IGF1R: variants seen among roughly 807,000 people sequenced by gnomAD.
IGF1R encodes insulin like growth factor 1 receptor.
In IGF1R, 44 loss-of-function variants were observed where a neutral mutation model predicts 144.6. The observed-to-expected ratio is 0.30, with a 90% CI of 0.24 to 0.39. The LOEUF (loss-of-function observed/expected upper bound fraction) is 0.39, where lower values mean the gene tolerates loss of function less well. IGF1R is among the 10% of genes least tolerant of loss of function. The probability of loss-of-function intolerance (pLI) is 1.00; values close to 1 mark genes in which losing one functional copy is unlikely to be tolerated. For synonymous variants in IGF1R, 795 were observed against 722.8 expected, an observed-to-expected ratio of 1.10 and a Z score of -1.60; for missense variants, 1,355 against 1,833.7, an observed-to-expected ratio of 0.74 and a Z score of 4.77.
intron 2 of IGF1R, among the ~76,000 whole-genome samples, chr15:98,777,959 A>G (rs919107518): frequency 6.6e-6 from 1 of 152,218 alleles, no homozygotes; most frequent in East Asian, 1.9e-4. Context: ...AAAGACCCAT[A>G]GATGCTCTTT....
At chr15:98,839,482 C>T (rs1001560184) in intron 2 of IGF1R, among the ~76,000 whole-genome samples, 3 of 152,132 alleles carry the variant, frequency 2.0e-5, no homozygotes, top group African/African-American at 4.8e-5. Flanking sequence ...TTGTGTGCCT[C>T]GGACACGAAA....
At chr15:98,658,596 C>G (rs937118232) in intron 1 of IGF1R, among the ~76,000 whole-genome samples, 1 of 152,172 alleles carries the variant, frequency 6.6e-6, no homozygotes, top group African/African-American at 2.4e-5. Context: ...AAAGGCAGCA[C>G]GCTAAGTCAG....
chr15:98,876,488 G>A (rs2013068112), intron 2 of IGF1R, among the ~76,000 whole-genome samples: 1 of 152,078 alleles, frequency 6.6e-6, no homozygotes, highest in Non-Finnish European at 1.5e-5. Flanking sequence ...TTCTGGCAAG[G>A]CTGGTATACT....
chr15:98,875,857 G>T (rs2013034409), intron 2 of IGF1R, among the ~76,000 whole-genome samples: 3 of 152,132 alleles, frequency 2.0e-5, no homozygotes, highest in African/African-American at 7.2e-5. Context: ...GGCCCAGAGT[G>T]GTCAGATAGT....
At chr15:98,849,440 A>G (rs964565761) in intron 2 of IGF1R, among the ~76,000 whole-genome samples, 1 of 152,244 alleles carries the variant, frequency 6.6e-6, no homozygotes, top group Non-Finnish European at 1.5e-5. Context: ...TAAAAGTGTA[A>G]ACAAAACTAT....
intron 2 of IGF1R, among the ~76,000 whole-genome samples, chr15:98,805,905 C>T (rs1393066947): frequency 1.3e-5 from 2 of 152,160 alleles, no homozygotes; most frequent in African/African-American, 2.4e-5. Context: ...AGTTCTGACA[C>T]TCACCACCTG....
intron 2 of IGF1R, among the ~76,000 whole-genome samples, chr15:98,805,958 A>T (rs2056462189): frequency 6.6e-6 from 1 of 152,144 alleles, no homozygotes; most frequent in Admixed American, 6.5e-5. Context: ...CAGTCCCACG[A>T]GTCTGCCCTT....
At chr15:98,869,743 T>G (rs1313915889) in intron 2 of IGF1R, among the ~76,000 whole-genome samples, 1 of 152,194 alleles carries the variant, frequency 6.6e-6, no homozygotes, top group East Asian at 1.9e-4. Context: ...TTGAGATTCT[T>G]GTAAGCCAAG....
At chr15:98,715,217 T>G (rs1318869350) in intron 2 of IGF1R, among the ~76,000 whole-genome samples, 1 of 152,188 alleles carries the variant, frequency 6.6e-6, no homozygotes, top group Non-Finnish European at 1.5e-5. Context: ...GTGAAGCAGT[T>G]TGTGTGCAGG....
Position 98,957,661 on chromosome 15 carries a change from C to T in IGF1R, c.*219C>T. The T allele has an allele frequency of 4.9e-6, 3 of 612,996 alleles. No homozygotes were observed. The highest frequency in any genetic ancestry group is 8.6e-6 in the Non-Finnish European group (3 of 347,564). The allele number at this position is 612,996 out of a possible 1,614,324, so 38.0% of individuals were successfully genotyped here. On this transcript the variant is annotated 3_prime_UTR_variant, in exon 21 of 21. Coordinates refer to ENST00000650285, the MANE Select transcript of IGF1R (RefSeq NM_000875.5). ...AGCAGCTTTTTATTCCCTGCCCAAA[C>T]CCTTAACTGACATGGGCCTTTAAGA...
At chr15:98,808,870 T>A (rs528698518) in intron 2 of IGF1R, among the ~76,000 whole-genome samples, 2 of 152,018 alleles carry the variant, frequency 1.3e-5, no homozygotes, top group Non-Finnish European at 2.9e-5. Context: ...TTTATTTTTA[T>A]AGAGTCAGAG....
chr15:98,674,385 G>A (rs1321884402), intron 1 of IGF1R, among the ~76,000 whole-genome samples: 2 of 152,170 alleles, frequency 1.3e-5, no homozygotes, highest in Non-Finnish European at 2.9e-5. Context: ...AGAGTTCCAA[G>A]ATCACCGTCA....
chr15:98,663,594 CTGT>C (rs1038494557), intron 1 of IGF1R, among the ~76,000 whole-genome samples: 50 of 152,320 alleles, frequency 3.3e-4, no homozygotes, highest in African/African-American at 7.9e-4. Flanking sequence ...CAGGTGAGCG[CTGT>C]TGTTGTTCGT....
intron 2 of IGF1R, among the ~76,000 whole-genome samples, chr15:98,830,035 G>A (rs1248567669): frequency 6.6e-6 from 1 of 152,200 alleles, no homozygotes; most frequent in South Asian, 2.1e-4. Flanking sequence ...AGACAACAGG[G>A]ATGGAGCAGC....
At chr15:98,760,016 C>G (rs948479967) in intron 2 of IGF1R, among the ~76,000 whole-genome samples, 3 of 152,122 alleles carry the variant, frequency 2.0e-5, no homozygotes, top group Admixed American at 6.6e-5. Context: ...CCATTTTTCT[C>G]TTTTTAAATG....
intron 2 of IGF1R, among the ~76,000 whole-genome samples, chr15:98,778,449 G>A (rs1394120995): frequency 6.6e-6 from 1 of 152,200 alleles, no homozygotes; most frequent in African/African-American, 2.4e-5. Context: ...CAGATGAGAA[G>A]ACTGAGACCC....
intron 2 of IGF1R, among the ~76,000 whole-genome samples, chr15:98,855,271 C>T (rs2011742441): frequency 6.6e-6 from 1 of 152,216 alleles, no homozygotes; most frequent in African/African-American, 2.4e-5. Flanking sequence ...TCTGACTCCA[C>T]TTCAGCGCTC....
intron 2 of IGF1R, among the ~76,000 whole-genome samples, chr15:98,728,964 C>T (rs2054431677): frequency 6.6e-6 from 1 of 152,220 alleles, no homozygotes; most frequent in South Asian, 2.1e-4. Context: ...GGACACTCAG[C>T]TTCCTTCTAA....
At position 98,699,616 on chromosome 15, in the gene IGF1R, A is replaced by G. The variant is rs549708023; in HGVS notation, c.95-7946A>G. 2.6e-5 allele frequency among the ~76,000 whole-genome samples: 4 copies of G among 152,302 alleles called. No homozygotes were observed. In the East Asian group the frequency reaches 5.8e-4, roughly 22 times the overall value. Reference sequence around the variant, plus strand: ...TACAGATGCTTTCAGTGGAGGGGACACTGGGGCTTGTGTTCCCTTTAGTCT... The same window carrying G: ...TACAGATGCTTTCAGTGGAGGGGACGCTGGGGCTTGTGTTCCCTTTAGTCT... On this transcript the variant is annotated intron_variant, in intron 1 of 20. Transcript: ENST00000650285.
Sources: gnomAD v4.1 joint callset for allele counts (sites outside exome capture counted in the v4.1 genomes callset) on GRCh38, gnomAD v4.1.1 for gene constraint, MANE v1.5 for transcripts, NCBI Gene and HGNC (gene_info 2026-07-23, HGNC 2026-07-21) for gene names.